Variants in HIF1A observed in about 807,000 individuals in gnomAD.
HIF1A encodes hypoxia inducible factor 1 subunit alpha.
In HIF1A, 24 loss-of-function variants were observed where a neutral mutation model predicts 92.7. The ratio of observed to expected loss-of-function variants is 0.26; its 90% CI spans 0.19 to 0.36. The LOEUF is 0.36. HIF1A is among the 10% of genes least tolerant of loss of function. The pLI is 1.00. For missense variants in HIF1A, 799 were observed against 998.5 expected (o/e 0.80, Z 2.69); for synonymous variants, 319 against 338.7 (o/e 0.94, Z 0.64).
At chr14:61,732,266 GT>G in intron 6 of HIF1A, 151 bp from the exon 7 acceptor site, 2 of 599,084 alleles carry the variant, frequency 3.3e-6, no homozygotes, top group South Asian at 4.0e-5. Flanking sequence ...CAAAGGTGAG[GT>G]GTAAATTTAT....
At chr14:61,703,455 A>G (rs946235767) in intron 1 of HIF1A, among the ~76,000 whole-genome samples, 4 of 152,184 alleles carry the variant, frequency 2.6e-5, no homozygotes, top group Admixed American at 1.3e-4. Context: ...AGAGTCTCAA[A>G]TGATCTCAGA....
intron 1 of HIF1A, among the ~76,000 whole-genome samples, chr14:61,718,064 A>G (rs996623038): frequency 2.0e-5 from 3 of 151,776 alleles, no homozygotes; most frequent in East Asian, 1.9e-4. Context: ...AAGGTTTTCA[A>G]TTTTTTCACC....
At position 61,721,773 on chromosome 14, in the gene HIF1A, C is replaced by A; in HGVS notation, c.407C>A (p.Thr136Asn). 1 of 1,613,476 alleles carries A rather than the reference C, an allele frequency of 6.2e-7. No individual in the cohort carries two copies. ...ACTGGACACAGTGTGTTTGATTTTA[C>A]TCATCCATGTGACCATGAGGAAATG... ...ELTGHSVFDF[T>N]HPCDHEEMRE... Residue 136 changes from threonine to asparagine, a missense_variant, in exon 4 of 15, where the codon ACT becomes AAT. Coordinates refer to ENST00000337138, the MANE Select transcript of HIF1A (RefSeq NM_001530.4).
chr14:61,703,477 C>T (rs1376302653), intron 1 of HIF1A, among the ~76,000 whole-genome samples: 1 of 151,930 alleles, frequency 6.6e-6, no homozygotes, highest in Admixed American at 6.6e-5. Flanking sequence ...TGTAATAATC[C>T]CTGACTTTTG....
intron 1 of HIF1A, among the ~76,000 whole-genome samples, chr14:61,697,155 CCTG>C (rs1394912669): frequency 6.6e-6 from 1 of 152,096 alleles, no homozygotes; most frequent in African/African-American, 2.4e-5. Context: ...TGTTTATATT[CCTG>C]CTGTTTTGTA....
intron 6 of HIF1A, among the ~76,000 whole-genome samples, chr14:61,730,557 T>C (rs1245143379): frequency 6.6e-6 from 1 of 152,212 alleles, no homozygotes; most frequent in East Asian, 1.9e-4. Flanking sequence ...CTTTTGTTTA[T>C]ACCATACCTT....
At chr14:61,729,461 C>CA (rs369194032) in intron 6 of HIF1A, among the ~76,000 whole-genome samples, 5,950 of 97,360 alleles carry the variant, frequency 0.061, 198 homozygotes, top group East Asian at 0.23. Flanking sequence ...GACTCCATCT[C>CA]AAAAAACAAA....
intron 12 of HIF1A, among the ~76,000 whole-genome samples, 198 bp downstream of exon 12, chr14:61,741,386 A>T (rs2044710652): frequency 7.1e-6 from 1 of 141,174 alleles, no homozygotes; most frequent in Non-Finnish European, 1.5e-5. Context: ...TTTGAGACAG[A>T]GTCTCGCTTT....
intron 12 of HIF1A, among the ~76,000 whole-genome samples, chr14:61,742,110 T>C (rs1157912935): frequency 6.6e-6 from 1 of 152,362 alleles, no homozygotes; most frequent in Non-Finnish European, 1.5e-5. Flanking sequence ...TAAGCATGAA[T>C]TGTTACTTCT....
chr14:61,720,753 C>T (rs1413303143), intron 2 of HIF1A, among the ~76,000 whole-genome samples, 181 bp downstream of exon 2: 1 of 152,048 alleles, frequency 6.6e-6, no homozygotes, highest in Non-Finnish European at 1.5e-5. Flanking sequence ...ATTTTTTTCT[C>T]ATCAGTTATT....
chr14:61,697,799 G>T (rs2044133342), intron 1 of HIF1A: 1 of 1,466,748 alleles, frequency 6.8e-7, no homozygotes, highest in South Asian at 1.4e-5. Context: ...AAAGATAACT[G>T]AGAGGTTGAG....
chr14:61,744,260 C>T (rs1594889430), intron 12 of HIF1A, among the ~76,000 whole-genome samples: 6 of 152,218 alleles, frequency 3.9e-5, no homozygotes, highest in Admixed American at 3.9e-4. Flanking sequence ...GCCAGGTGCT[C>T]ACGCCTGTAA....
Position 61,732,488 on chromosome 14 carries a change from T to C in HIF1A, c.844T>C (p.Leu282=), listed in dbSNP as rs112804643. The C allele has an allele frequency of 6.2e-7, 1 of 1,610,286 alleles. No homozygotes were observed. The highest frequency in any genetic ancestry group is 2.2e-5 in the East Asian group (1 of 44,812). ...CTCAATTTATGAATATTATCATGCT[T>C]TGGACTCTGATCATCTGACCAAAAC... The part of the protein sequence containing the change: ...GRSIYEYYHA[L]DSDHLTKTHH... Residue 282 remains leucine, a synonymous_variant, in exon 7 of 15, where the codon TTG becomes CTG. Transcript: ENST00000337138.
chr14:61,720,709 T>C (rs528297362), intron 2 of HIF1A, 137 bp downstream of exon 2: 2 of 447,072 alleles, frequency 4.5e-6, no homozygotes, highest in Admixed American at 4.3e-5. Flanking sequence ...GTTTAAAAAT[T>C]TTTCTGTAAT....
chr14:61,737,053 C>T lies in HIF1A; in HGVS notation c.1193C>T (p.Thr398Ile). Residue 398 changes from threonine to isoleucine, a missense_variant, in exon 9 of 15, where the codon ACT becomes ATT. Transcript: ENST00000337138. ...DKLKKEPDAL[T>I]LLAPAAGDTI... ...CTTAAGAAGGAACCTGATGCTTTAA[C>T]TTTGCTGGCCCCAGCCGCTGGAGAC... 6.2e-7 allele frequency: 1 copy of T among 1,614,204 alleles called. No homozygotes were observed. The highest frequency in any genetic ancestry group is 8.5e-7 in the Non-Finnish European group (1 of 1,180,040).
chr14:61,732,551 T>C, intron 7 of HIF1A, 27 bp downstream of exon 7: 1 of 1,352,600 alleles, frequency 7.4e-7, no homozygotes, highest in Non-Finnish European at 1.1e-6. Flanking sequence ...AACTCAGAGA[T>C]ATTCTAATTA....
chr14:61,716,821 AAAT>A (rs2044369667), intron 1 of HIF1A: 3 of 152,344 alleles, frequency 2.0e-5, no homozygotes, highest in South Asian at 2.1e-4. Context: ...ACTGTATGTT[AAAT>A]AATAAAATGG....
At chr14:61,734,077 T>G in intron 7 of HIF1A, 61 bp from the exon 8 acceptor site, 1 of 1,144,388 alleles carries the variant, frequency 8.7e-7, no homozygotes, top group South Asian at 2.0e-5. Context: ...TCTGTTCATT[T>G]AATTGAAAAT....
rs1188283601 is a variant in HIF1A, at chr14:61,745,763, A to C, written c.2275A>C (p.Lys759Gln). The change falls in exon 14 of 15, where the codon AAA becomes CAA. Residue 759 changes from lysine (K) to glutamine (Q), a missense_variant. Transcript: ENST00000337138. ...TTCTTGGAAACGTGTAAAAGGATGCAAATCTAGTGAACAGAATGGAATGGA... is the reference window on the plus strand; with the variant it reads ...TTCTTGGAAACGTGTAAAAGGATGCCAATCTAGTGAACAGAATGGAATGGA... Reference protein sequence around the residue: ...SLSWKRVKGCKSSEQNGMEQK... With the variant: ...SLSWKRVKGCQSSEQNGMEQK... 1 of 1,612,270 alleles carries C rather than the reference A, an allele frequency of 6.2e-7. No homozygotes were observed. The highest frequency in any genetic ancestry group is 1.7e-5 in the Admixed American group (1 of 60,022).
Sources: gnomAD v4.1 joint callset for allele counts (sites outside exome capture counted in the v4.1 genomes callset) on GRCh38, gnomAD v4.1.1 for gene constraint, MANE v1.5 for transcripts, NCBI Gene and HGNC (gene_info 2026-07-23, HGNC 2026-07-21) for gene names.